DAAM2: variants seen among roughly 807,000 people sequenced by gnomAD.
The protein encoded by DAAM2 is dishevelled associated activator of morphogenesis 2.
Under a neutral mutation model 120.7 loss-of-function variants are expected in DAAM2, and 39 were observed. The observed-to-expected ratio is 0.32, with a 90% CI of 0.25 to 0.42. DAAM2 has a LOEUF of 0.42. DAAM2 is among the 10% of genes least tolerant of loss of function. The pLI, the probability that DAAM2 is intolerant of heterozygous loss-of-function variation, is 1.00. For synonymous variants in DAAM2, 488 were observed against 524.9 expected (o/e 0.93, Z 0.96); for missense variants, 1,283 against 1,401.7 (o/e 0.92, Z 1.35).
intron 1 of DAAM2, chr6:39,821,396 G>A (rs1452422528): frequency 6.6e-6 from 1 of 152,262 alleles, no homozygotes; most frequent in African/African-American, 2.4e-5. Context: ...ACCCAGCTCT[G>A]GGACATCAGA....
At chr6:39,801,572 C>T (rs542415362) in intron 1 of DAAM2, among the ~76,000 whole-genome samples, 86 of 152,348 alleles carry the variant, frequency 5.6e-4, no homozygotes, top group Middle Eastern at 3.4e-3. Context: ...TTATTCATGT[C>T]ATGACTGCAT....
At chr6:39,821,629 C>T (rs889585647) in intron 1 of DAAM2, 2 of 152,196 alleles carry the variant, frequency 1.3e-5, no homozygotes, top group African/African-American at 4.8e-5. Flanking sequence ...GGTAGCGAGT[C>T]TTGAACTTGG....
At chr6:39,892,546 G>A (rs1400295294) in intron 19 of DAAM2, among the ~76,000 whole-genome samples, 1 of 152,162 alleles carries the variant, frequency 6.6e-6, no homozygotes, top group Non-Finnish European at 1.5e-5. Flanking sequence ...AGAGGCAGGA[G>A]GTCAGGACGG....
At position 39,900,088 on chromosome 6, in the gene DAAM2, T is replaced by C; in HGVS notation, c.2691T>C (p.Tyr897=). Residue 897 remains tyrosine (Y), a synonymous_variant, in exon 23 of 25, where the codon TAT becomes TAC. Transcript: ENST00000274867. ...GLRAVEVELE[Y]QRRQVREPSD... ...CCCTCCCTCCTCAGGAGCTGGAGTA[T>C]CAGAGGCGCCAGGTACGGGAGCCCA... 1 of 1,601,342 alleles carries C rather than the reference T, an allele frequency of 6.2e-7. No homozygotes were observed. The highest frequency in any genetic ancestry group is 8.5e-7 in the Non-Finnish European group (1 of 1,174,102).
At chr6:39,860,174 G>A (rs991343656) in intron 2 of DAAM2, among the ~76,000 whole-genome samples, 2 of 152,158 alleles carry the variant, frequency 1.3e-5, no homozygotes, top group African/African-American at 4.8e-5. Context: ...AAATACCTAT[G>A]GAGTTACCCC....
At chr6:39,833,117 A>T (rs1225478251) in intron 1 of DAAM2, among the ~76,000 whole-genome samples, 1 of 152,080 alleles carries the variant, frequency 6.6e-6, no homozygotes, top group Non-Finnish European at 1.5e-5. Flanking sequence ...AAATTCTCCA[A>T]GTCATTGAGT....
At chr6:39,871,316 G>T (rs1386495656) in intron 8 of DAAM2, among the ~76,000 whole-genome samples, 190 bp from the exon 9 acceptor site, 1 of 152,166 alleles carries the variant, frequency 6.6e-6, no homozygotes, top group Non-Finnish European at 1.5e-5. Flanking sequence ...CTGAAGGAAG[G>T]TCATGGGATC....
intron 1 of DAAM2, among the ~76,000 whole-genome samples, chr6:39,835,350 G>A (rs751860920): frequency 5.9e-5 from 9 of 152,226 alleles, no homozygotes; most frequent in Non-Finnish European, 8.8e-5. Context: ...TTTTCTGTGT[G>A]CAAGAGAGAG....
At chr6:39,827,202 C>A (rs1762704845) in intron 1 of DAAM2, among the ~76,000 whole-genome samples, 1 of 152,174 alleles carries the variant, frequency 6.6e-6, no homozygotes, top group Non-Finnish European at 1.5e-5. Flanking sequence ...GGGTTCTAGA[C>A]ATGGCTGTGG....
intron 1 of DAAM2, among the ~76,000 whole-genome samples, chr6:39,793,508 A>G (rs1228675358): frequency 6.6e-6 from 1 of 152,054 alleles, no homozygotes; most frequent in Non-Finnish European, 1.5e-5. Context: ...TCGGAGGGTT[A>G]GAGGAAAATC....
rs375083979 is a variant in DAAM2, at chr6:39,867,706, C to G, written c.625C>G (p.Arg209Gly). ...EAISTIAQSL[R>G]TENSKTKVAV... ...CATTAGTACCATAGCCCAGAGCCTA[C>G]GCACAGAGAACAGCAAGACCAAGGT... The change falls in exon 6 of 25, where the codon CGC becomes GGC. Residue 209 changes from arginine (R) to glycine (G), a missense_variant. Physicochemically the swap from Arg to Gly is moderately radical, Grantham distance 125 (BLOSUM62 -2). Coordinates refer to ENST00000274867, the MANE Select transcript of DAAM2 (RefSeq NM_001201427.2). 1.7e-4 allele frequency: 274 copies of G among 1,614,058 alleles called. 2 individuals carry two copies. The Middle Eastern group carries it at 3.6e-3, about 21-fold the overall frequency.
intron 1 of DAAM2, among the ~76,000 whole-genome samples, chr6:39,849,419 T>G (rs911431898): frequency 1.3e-5 from 2 of 152,222 alleles, no homozygotes; most frequent in African/African-American, 4.8e-5. Context: ...AGCTTATCTG[T>G]GTAGCTATTA....
rs1761951527 is a variant in DAAM2 at position 39,804,444 on chromosome 6, A to G, written c.-57+11979A>G. Among the ~76,000 whole-genome samples the G allele has an allele frequency of 3.3e-5, 5 of 152,232 alleles. No homozygotes were observed. In the South Asian group the frequency reaches 1.0e-3, roughly 32 times the overall value. Reference sequence around the variant, plus strand: ...CTCACTCATTCATTCATAGTCCATAAACAAGAACTTGGTTTAGATTCTTTC... The same window carrying G: ...CTCACTCATTCATTCATAGTCCATAGACAAGAACTTGGTTTAGATTCTTTC... On this transcript the variant is annotated intron_variant, in intron 1 of 24. Coordinates refer to ENST00000274867, the MANE Select transcript of DAAM2 (RefSeq NM_001201427.2).
At position 39,887,715 on chromosome 6, in the gene DAAM2, T is replaced by TGGAG. The variant is rs375615158; in HGVS notation, c.2060+126_2060+127insGGGA. ...CCCCTGGGAGGGGCAGGCATTGATC[T>TGGAG]GGAACTGTCTCTCGGGAACCTGCCT... On this transcript the variant is annotated intron_variant, in intron 16 of 24. Coordinates refer to ENST00000274867, the MANE Select transcript of DAAM2 (RefSeq NM_001201427.2). 315 of 568,918 alleles carry TGGAG rather than the reference T, an allele frequency of 5.5e-4. No homozygotes were observed. The African/African-American group carries it at 0.011, about 19-fold the overall frequency. The allele number at this position is 568,918 out of a possible 1,614,324, so 35.2% of individuals were successfully genotyped here.
intron 22 of DAAM2, 69 bp downstream of exon 22, chr6:39,899,006 T>G: frequency 7.5e-7 from 1 of 1,339,610 alleles, no homozygotes; most frequent in Non-Finnish European, 1.0e-6. Flanking sequence ...CACTGCACCC[T>G]AAGCTCCTAC....
chr6:39,843,121 C>T (rs528713277), intron 1 of DAAM2, among the ~76,000 whole-genome samples: 1 of 152,044 alleles, frequency 6.6e-6, no homozygotes, highest in Non-Finnish European at 1.5e-5. Context: ...TGACAGATAA[C>T]AGTGTAGCAA....
chr6:39,851,022 A>G (rs562074220), intron 1 of DAAM2, among the ~76,000 whole-genome samples: 74 of 152,328 alleles, frequency 4.9e-4, no homozygotes, highest in African/African-American at 1.6e-3. Context: ...AAGCCATGTA[A>G]CAGCTCCTGA....
chr6:39,825,381 G>A lies in DAAM2; in HGVS notation c.-56-30866G>A, dbSNP rs1762629994. Among the ~76,000 whole-genome samples, 2 of 119,312 alleles carry A rather than the reference G, an allele frequency of 1.7e-5. 1 individual carries two copies. Among genetic ancestry groups the A allele is most frequent in the South Asian group, 5.3e-4 (2 of 3,786 alleles). The allele number at this position is 119,312 out of a possible 152,430, so 78.3% of individuals were successfully genotyped here. On this transcript the variant is annotated intron_variant, in intron 1 of 24. Coordinates refer to ENST00000274867, the MANE Select transcript of DAAM2 (RefSeq NM_001201427.2). ...TCCAGCTGGGTGACAGAGCAAGACT[G>A]TTTAAAACAAAACAAAACAAAACAA...
Position 39,904,541 on chromosome 6 carries a change from A to C in DAAM2, c.*2504A>C, listed in dbSNP as rs534371827. 1.1e-4 allele frequency: 50 copies of C among 452,952 alleles called. No homozygotes were observed. Among genetic ancestry groups the C allele is most frequent in the South Asian group, 7.0e-4 (45 of 64,490 alleles). 28.1% of individuals were successfully genotyped at this position (452,952 alleles called of 1,614,324 possible). On this transcript the variant is annotated 3_prime_UTR_variant, in exon 25 of 25. Transcript: ENST00000274867. ...TGTAAAATTCGTCATCAACCTAACA[A>C]ACACAACCTTCTCAGCAGCATTTCT...
Sources: gnomAD v4.1 joint callset for allele counts (sites outside exome capture counted in the v4.1 genomes callset) on GRCh38, gnomAD v4.1.1 for gene constraint, MANE v1.5 for transcripts, NCBI Gene and HGNC (gene_info 2026-07-23, HGNC 2026-07-21) for gene names.